Variants in NCOA2 observed in about 807,000 individuals in gnomAD.
NCOA2 encodes class E basic helix-loop-helix protein 75.
Under a neutral mutation model 145.1 loss-of-function variants are expected in NCOA2, and 21 were observed. The observed-to-expected ratio is 0.14, with a 90% CI of 0.10 to 0.21. The LOEUF is 0.21. Ranked by LOEUF, NCOA2 falls within the 10% of genes least tolerant of loss-of-function variation. The pLI, the probability that NCOA2 is intolerant of heterozygous loss-of-function variation, is 1.00. For missense variants in NCOA2, 1,472 were observed against 1,837.6 expected, an observed-to-expected ratio of 0.80 and a Z score of 3.64; for synonymous variants, 619 against 637.5, an observed-to-expected ratio of 0.97 and a Z score of 0.44.
At chr8:70,441,626 C>G in the NCOA2 span, among the ~76,000 whole-genome samples, 2 of 148,582 alleles carry the variant, frequency 1.3e-5, no homozygotes, top group Non-Finnish European at 3.0e-5. Flanking sequence ...GCAAGCCTCT[C>G]AGGTCTTCAG....
At chr8:70,281,901 T>G (rs1304401600) in intron 2 of NCOA2, among the ~76,000 whole-genome samples, 1 of 152,258 alleles carries the variant, frequency 6.6e-6, no homozygotes, top group African/African-American at 2.4e-5. Context: ...CATCATTATT[T>G]ATTATTCAAA....
intron 4 of NCOA2, among the ~76,000 whole-genome samples, chr8:70,212,762 T>C (rs1007476826): frequency 6.6e-6 from 1 of 152,086 alleles, no homozygotes; most frequent in African/African-American, 2.4e-5. Flanking sequence ...ATTTTAAAAA[T>C]TTGAACTCTA....
the NCOA2 span, among the ~76,000 whole-genome samples, chr8:70,441,024 G>A: frequency 0.88 from 125,778 of 143,494 alleles, 55,306 homozygotes; most frequent in East Asian, 0.98. Flanking sequence ...TAAAAAGGAA[G>A]GAAAGAAATG....
chr8:70,229,921 T>G (rs1820987219), intron 2 of NCOA2, among the ~76,000 whole-genome samples: 1 of 152,184 alleles, frequency 6.6e-6, no homozygotes, highest in African/African-American at 2.4e-5. Flanking sequence ...TAACACATAG[T>G]GTTATCTTCC....
At chr8:70,134,201 C>T (rs1426206041) in intron 15 of NCOA2, among the ~76,000 whole-genome samples, 1 of 152,188 alleles carries the variant, frequency 6.6e-6, no homozygotes, top group Non-Finnish European at 1.5e-5. Flanking sequence ...TACTGCTACA[C>T]TTAGGGAGCG....
intron 1 of NCOA2, among the ~76,000 whole-genome samples, chr8:70,310,620 T>C (rs1475086669): frequency 1.3e-5 from 2 of 152,208 alleles, no homozygotes; most frequent in Non-Finnish European, 2.9e-5. Context: ...ATGTACATAG[T>C]AGACCTCTTC....
intron 12 of NCOA2, among the ~76,000 whole-genome samples, chr8:70,147,138 G>A (rs1270685609): frequency 6.6e-6 from 1 of 152,052 alleles, no homozygotes; most frequent in South Asian, 2.1e-4. Flanking sequence ...GTGTGTGTGT[G>A]TGTGTGTGTT....
chr8:70,440,749 AAGAG>A, the NCOA2 span, among the ~76,000 whole-genome samples: 10 of 151,630 alleles, frequency 6.6e-5, no homozygotes, highest in Non-Finnish European at 1.2e-4. Flanking sequence ...AAAGAAAAGA[AAGAG>A]AGAAAGAGGA....
At chr8:70,210,085 G>C (rs898739789) in intron 4 of NCOA2, among the ~76,000 whole-genome samples, 2 of 152,208 alleles carry the variant, frequency 1.3e-5, no homozygotes, top group African/African-American at 4.8e-5. Context: ...TGACAGTGCA[G>C]ATTCCAGACC....
At chr8:70,253,658 T>C (rs1226822198) in intron 2 of NCOA2, among the ~76,000 whole-genome samples, 2 of 152,184 alleles carry the variant, frequency 1.3e-5, no homozygotes, top group African/African-American at 2.4e-5. Context: ...GGGGAAAGGA[T>C]AGTCTTTTCA....
At chr8:70,294,168 T>C (rs1346710474) in intron 2 of NCOA2, among the ~76,000 whole-genome samples, 1 of 152,144 alleles carries the variant, frequency 6.6e-6, no homozygotes, top group Non-Finnish European at 1.5e-5. Context: ...CCTGATATAC[T>C]GCAAGGCTAT....
Position 70,113,413 on chromosome 8 carries a change from ACTGT to A in NCOA2, c.*215_*218del. On this transcript the variant is annotated 3_prime_UTR_variant, in exon 23 of 23. Transcript: ENST00000452400. ...GTGAATGCAGTGAACAGACTGAGCGACTGTCTGGATGCGAGCTTCAGACTGTCAA... is the reference window on the plus strand; with the variant it reads ...GTGAATGCAGTGAACAGACTGAGCGACTGGATGCGAGCTTCAGACTGTCAA... 4 of 596,364 alleles carry A rather than the reference ACTGT, an allele frequency of 6.7e-6. No individual in the cohort carries two copies. The highest frequency in any genetic ancestry group is 1.2e-5 in the Non-Finnish European group (4 of 333,568). The allele number at this position is 596,364 out of a possible 1,614,324, so 36.9% of individuals were successfully genotyped here. A position where few individuals can be genotyped will look rare whatever the true frequency, so the allele number is the denominator to read the frequency against.
chr8:70,416,196 T>G, the NCOA2 span, among the ~76,000 whole-genome samples: 3 of 88,356 alleles, frequency 3.4e-5, no homozygotes, highest in East Asian at 5.1e-4. Context: ...AGTTTTTTTG[T>G]TTTTTTTTTT....
intron 2 of NCOA2, among the ~76,000 whole-genome samples, chr8:70,231,566 A>G (rs949846420): frequency 2.6e-5 from 4 of 152,238 alleles, no homozygotes; most frequent in African/African-American, 9.6e-5. Context: ...CTAGGAGATC[A>G]GCTGAAACCT....
intron 1 of NCOA2, among the ~76,000 whole-genome samples, chr8:70,322,876 A>C (rs2136186708): frequency 6.6e-6 from 1 of 152,352 alleles, no homozygotes; most frequent in South Asian, 2.1e-4. Flanking sequence ...CAGGACCTTC[A>C]AAAATATTTC....
rs1015436055 is a variant in NCOA2, at chr8:70,255,286, A to G, written c.-19-38522T>C. On this transcript the variant is annotated intron_variant, in intron 2 of 22. Transcript: ENST00000452400. ...GTAAGTGAAATTACCCAAGAATTTA[A>G]AAGTATTTTTTGCCAAACTTAAAAA... 2.0e-5 allele frequency among the ~76,000 whole-genome samples: 3 copies of G among 152,238 alleles called. No individual in the cohort carries two copies. In the East Asian group the frequency reaches 5.8e-4, roughly 29 times the overall value.
chr8:70,149,295 C>A (rs927781878), intron 11 of NCOA2, among the ~76,000 whole-genome samples: 2 of 151,274 alleles, frequency 1.3e-5, no homozygotes, highest in African/African-American at 4.9e-5. Context: ...CGAGCAGTAG[C>A]GCAAACACTC....
chr8:70,149,223 T>A (rs1262740895), intron 11 of NCOA2, among the ~76,000 whole-genome samples: 1 of 151,844 alleles, frequency 6.6e-6, no homozygotes, highest in East Asian at 1.9e-4. Context: ...ACAGAAGCTA[T>A]AAAAATGTTT....
intron 1 of NCOA2, among the ~76,000 whole-genome samples, chr8:70,397,225 G>A (rs1290725078): frequency 1.3e-5 from 2 of 152,178 alleles, no homozygotes; most frequent in Non-Finnish European, 2.9e-5. Flanking sequence ...CTGTGAGGCT[G>A]AGGCAGGCAG....
Sources: gnomAD v4.1 joint callset for allele counts (sites outside exome capture counted in the v4.1 genomes callset) on GRCh38, gnomAD v4.1.1 for gene constraint, MANE v1.5 for transcripts, NCBI Gene and HGNC (gene_info 2026-07-23, HGNC 2026-07-21) for gene names.